The following ASAP2 variants were observed in gnomAD, a reference collection of about 807,000 sequenced individuals.
ASAP2 encodes the protein arf-GAP with SH3 domain, ANK repeat and PH domain-containing protein 2.
ASAP2 carries 45 observed loss-of-function variants against 131.4 expected under a neutral mutation model. The observed-to-expected ratio is 0.34, with a 90% CI of 0.27 to 0.44. ASAP2 has a LOEUF of 0.44. Ranked by LOEUF, ASAP2 falls within the 20% of genes least tolerant of loss-of-function variation. ASAP2 has a pLI of 1.00. For missense variants in ASAP2, 1,011 were observed against 1,297.0 expected, an observed-to-expected ratio of 0.78 and a Z score of 3.39; for synonymous variants, 510 against 503.0, an observed-to-expected ratio of 1.01 and a Z score of -0.19.
intron 3 of ASAP2, among the ~76,000 whole-genome samples, chr2:9,299,659 C>T (rs1668361170): frequency 6.6e-6 from 1 of 152,326 alleles, no homozygotes; most frequent in East Asian, 1.9e-4. Context: ...AAGCAGCCAG[C>T]CCAGGACGGC....
At chr2:9,213,019 T>C (rs1661709276) in intron 1 of ASAP2, among the ~76,000 whole-genome samples, 1 of 152,252 alleles carries the variant, frequency 6.6e-6, no homozygotes, top group Non-Finnish European at 1.5e-5. Context: ...CCTTGGCATT[T>C]TTTAAAGCCT....
intron 25 of ASAP2, 62 bp downstream of exon 25, chr2:9,400,134 T>C (rs1365082617): frequency 2.7e-6 from 4 of 1,479,712 alleles, no homozygotes; most frequent in Non-Finnish European, 3.7e-6. Context: ...ATGTGGGGGA[T>C]GTTTCCTGCC....
intron 1 of ASAP2, among the ~76,000 whole-genome samples, chr2:9,257,677 C>T (rs1249190800): frequency 6.6e-6 from 1 of 152,162 alleles, no homozygotes; most frequent in African/African-American, 2.4e-5. Flanking sequence ...CGCCACCATG[C>T]CCGGCTAATT....
At chr2:9,374,193 A>G (rs1464368525) in intron 16 of ASAP2, among the ~76,000 whole-genome samples, 1 of 152,376 alleles carries the variant, frequency 6.6e-6, no homozygotes, top group Non-Finnish European at 1.5e-5. Flanking sequence ...AAAGTAGAAC[A>G]CAAAGAGGAC....
chr2:9,283,208 G>A (rs1358924340), intron 2 of ASAP2, among the ~76,000 whole-genome samples: 3 of 152,126 alleles, frequency 2.0e-5, no homozygotes, highest in Non-Finnish European at 4.4e-5. Flanking sequence ...CTCCCAAGTA[G>A]CTGGGATTAC....
In ASAP2 at chr2:9,297,304, C is replaced by T. The variant is rs560040830; in HGVS notation, c.204C>T (p.His68=). 18 of 1,613,268 alleles carry T rather than the reference C, an allele frequency of 1.1e-5. No individual in the cohort carries two copies. The highest frequency in any genetic ancestry group is 1.7e-4 in the Middle Eastern group (1 of 6,052). ...ACCTCCGTCATTCTGTTGCAGCTCA[C>T]GTGGAAAATGAAGAGCAGTACACCC... The part of the protein sequence containing the change: ...VKAINSSGLA[H]VENEEQYTQA... Residue 68 remains histidine (H), a synonymous_variant, in exon 3 of 28, where the codon CAC becomes CAT. Coordinates refer to ENST00000281419, the MANE Select transcript of ASAP2 (RefSeq NM_003887.3).
intron 9 of ASAP2, among the ~76,000 whole-genome samples, chr2:9,337,211 ACCTAACTCAACAGTCT>A (rs1671264276): frequency 6.6e-6 from 1 of 152,144 alleles, no homozygotes; most frequent in Non-Finnish European, 1.5e-5. Flanking sequence ...CCTTGTCAAG[ACCTAACTCAACAGTCT>A]CCTAGTTGTG....
intron 1 of ASAP2, among the ~76,000 whole-genome samples, chr2:9,238,891 T>C (rs993900087): frequency 3.9e-5 from 6 of 152,348 alleles, no homozygotes; most frequent in Admixed American, 3.9e-4. Flanking sequence ...GATTTTGTCT[T>C]CTGTGAACGC....
At chr2:9,360,324 G>A (rs1246473133) in intron 15 of ASAP2, among the ~76,000 whole-genome samples, 1 of 152,172 alleles carries the variant, frequency 6.6e-6, no homozygotes, top group East Asian at 1.9e-4. Flanking sequence ...TTACAGAGGA[G>A]GAAACTGAGG....
chr2:9,395,661 G>A (rs1676087239), intron 24 of ASAP2, among the ~76,000 whole-genome samples: 1 of 127,986 alleles, frequency 7.8e-6, no homozygotes, highest in Non-Finnish European at 1.6e-5. Flanking sequence ...AGGCTGGAGT[G>A]CGGTGGCGCG....
chr2:9,262,777 C>A (rs113153550), intron 1 of ASAP2, among the ~76,000 whole-genome samples: 1 of 152,172 alleles, frequency 6.6e-6, no homozygotes, highest in Non-Finnish European at 1.5e-5. Context: ...CCTGGCATGC[C>A]GACTGGGACA....
chr2:9,259,346 TC>T (rs1455094415), intron 1 of ASAP2, among the ~76,000 whole-genome samples: 1 of 152,096 alleles, frequency 6.6e-6, no homozygotes, highest in Non-Finnish European at 1.5e-5. Flanking sequence ...GCACTTCCCC[TC>T]CCTTCTGCGC....
chr2:9,366,090 G>A (rs529348942), intron 15 of ASAP2, among the ~76,000 whole-genome samples: 2 of 152,134 alleles, frequency 1.3e-5, no homozygotes, highest in Non-Finnish European at 2.9e-5. Flanking sequence ...GGCACCTGCA[G>A]CCTCCATTTG....
intron 3 of ASAP2, among the ~76,000 whole-genome samples, chr2:9,303,535 T>C (rs1668630212): frequency 6.6e-6 from 1 of 152,170 alleles, no homozygotes; most frequent in Admixed American, 6.5e-5. Flanking sequence ...AGAGAGTACC[T>C]TGATGGACTT....
At chr2:9,362,424 T>C (rs1159426080) in intron 15 of ASAP2, among the ~76,000 whole-genome samples, 3 of 152,156 alleles carry the variant, frequency 2.0e-5, no homozygotes, top group Non-Finnish European at 2.9e-5. Flanking sequence ...TTTTATTGCA[T>C]GTATTTATAG....
intron 1 of ASAP2, among the ~76,000 whole-genome samples, chr2:9,273,970 G>A (rs759445524): frequency 3.3e-5 from 5 of 152,228 alleles, no homozygotes; most frequent in Non-Finnish European, 7.3e-5. Context: ...TTGTTTCAAA[G>A]CTAAACTGTA....
At chr2:9,290,908 A>G (rs572789736) in intron 2 of ASAP2, among the ~76,000 whole-genome samples, 1 of 152,314 alleles carries the variant, frequency 6.6e-6, no homozygotes, top group Non-Finnish European at 1.5e-5. Flanking sequence ...CTTGCATATG[A>G]CAGTTTATTG....
chr2:9,321,193 C>G (rs1670127327), intron 5 of ASAP2, among the ~76,000 whole-genome samples: 1 of 151,942 alleles, frequency 6.6e-6, no homozygotes, highest in Admixed American at 6.6e-5. Flanking sequence ...AATCTAAGTA[C>G]AAGTATTTCA....
chr2:9,361,950 C>A (rs181496095), intron 15 of ASAP2, among the ~76,000 whole-genome samples: 1 of 148,320 alleles, frequency 6.7e-6, no homozygotes, highest in East Asian at 1.9e-4. Flanking sequence ...GTCTTTTTAC[C>A]TCTTTATCTT....
Sources: allele counts gnomAD v4.1 joint callset (sites outside exome capture counted in the v4.1 genomes callset), GRCh38; gene constraint gnomAD v4.1.1; transcripts MANE v1.5; gene names NCBI Gene and HGNC (gene_info 2026-07-23, HGNC 2026-07-21).